The following EXOC6B variants were observed in gnomAD, a reference collection of about 807,000 sequenced individuals.
The protein encoded by EXOC6B is exocyst complex component 6B, also known as SEC15 homolog B.
A neutral mutation model predicts 113.5 loss-of-function variants in EXOC6B; 54 were observed. The ratio of observed to expected loss-of-function variants is 0.48; its 90% CI spans 0.38 to 0.60. The LOEUF is 0.60. Ranked by LOEUF, EXOC6B falls within the 20% of genes least tolerant of loss-of-function variation. The pLI is 0.00. For synonymous variants in EXOC6B, 357 were observed against 339.0 expected (o/e 1.05, Z -0.58); for missense variants, 797 against 977.5 (o/e 0.82, Z 2.46).
chr2:72,718,634 G>A (rs1679791255), intron 5 of EXOC6B, among the ~76,000 whole-genome samples: 1 of 152,140 alleles, frequency 6.6e-6, no homozygotes, highest in Non-Finnish European at 1.5e-5. Flanking sequence ...AAGACAGGTG[G>A]ATCACTTGAG....
At chr2:72,226,470 T>C (rs1305162314) in intron 20 of EXOC6B, among the ~76,000 whole-genome samples, 1 of 152,082 alleles carries the variant, frequency 6.6e-6, no homozygotes, top group African/African-American at 2.4e-5. Flanking sequence ...GACAAGGCTA[T>C]CCCAGCAGGG....
chr2:72,631,517 G>C (rs1672467852), intron 6 of EXOC6B, among the ~76,000 whole-genome samples: 2 of 105,582 alleles, frequency 1.9e-5, no homozygotes, highest in African/African-American at 3.5e-5. Context: ...GAGAGAGAGA[G>C]AGAGAAAGAC....
At chr2:72,503,079 A>T (rs2105607074) in intron 11 of EXOC6B, among the ~76,000 whole-genome samples, 1 of 152,246 alleles carries the variant, frequency 6.6e-6, no homozygotes, top group Non-Finnish European at 1.5e-5. Context: ...CTGTTATAAT[A>T]ACTTGGATAT....
rs868685127 is a variant in EXOC6B at position 72,401,555 on chromosome 2, A to G, written c.1981-21685T>C. Among the ~76,000 whole-genome samples, 9 of 40,252 alleles carry G rather than the reference A, an allele frequency of 2.2e-4. 1 individual carries two copies. The South Asian group carries it at 4.3e-3, about 19-fold the overall frequency. The allele number at this position is 40,252 out of a possible 152,430, so 26.4% of individuals were successfully genotyped here. On this transcript the variant is annotated intron_variant, in intron 18 of 21. Coordinates refer to ENST00000272427, the MANE Select transcript of EXOC6B (RefSeq NM_015189.3). ...TATATATATATATATGTGTATATAT[A>G]TATATATATACATATATATATATAT... is the stretch of plus-strand genomic sequence containing the variant.
Position 72,177,946 on chromosome 2 carries a change from C to A in EXOC6B, c.*1389G>T, listed in dbSNP as rs1314599065. 1 of 152,230 alleles carries A rather than the reference C, an allele frequency of 6.6e-6. No homozygotes were observed. Among genetic ancestry groups the A allele is most frequent in the African/African-American group, 2.4e-5 (1 of 41,456 alleles). The allele number at this position is 152,230 out of a possible 1,614,324, so 9.4% of individuals were successfully genotyped here. A position where few individuals can be genotyped will look rare whatever the true frequency, so the allele number is the denominator to read the frequency against. The stretch of plus-strand genomic sequence containing the variant: ...TGTCTTAAAGTACAGTTTCCCCCGA[C>A]TGACCTCATAGCAAAGCCCTTGCGT... On this transcript the variant is annotated 3_prime_UTR_variant, in exon 22 of 22. Transcript: ENST00000272427.
chr2:72,461,716 T>A lies in EXOC6B; in HGVS notation c.1980+3444A>T, dbSNP rs564067108. 3.3e-5 allele frequency: 5 copies of A among 152,156 alleles called. No homozygotes were observed. The South Asian group carries it at 1.0e-3, about 32-fold the overall frequency. 9.4% of individuals were successfully genotyped at this position (152,156 alleles called of 1,614,324 possible). A position where few individuals can be genotyped will look rare whatever the true frequency, so the allele number is the denominator to read the frequency against. On this transcript the variant is annotated intron_variant, in intron 18 of 21. Coordinates refer to ENST00000272427, the MANE Select transcript of EXOC6B (RefSeq NM_015189.3). ...TTCAAATTCTAAAAGGGGAATTACATAGTAAAAAGGTAAGCACATTTTAAG... is the reference window on the plus strand; with the variant it reads ...TTCAAATTCTAAAAGGGGAATTACAAAGTAAAAAGGTAAGCACATTTTAAG...
Position 72,212,308 on chromosome 2 carries a change from C to A in EXOC6B, c.2197-28121G>T, listed in dbSNP as rs76997827. Reference sequence around the variant, plus strand: ...ACTCCACAATTCTAGTTTCTTGGGGCAGGGCAGGCTGTTTTATGACTTGTA... The same window carrying A: ...ACTCCACAATTCTAGTTTCTTGGGGAAGGGCAGGCTGTTTTATGACTTGTA... On this transcript the variant is annotated intron_variant, in intron 20 of 21. Transcript: ENST00000272427. 3.8e-3 allele frequency among the ~76,000 whole-genome samples: 581 copies of A among 152,256 alleles called. 10 individuals are homozygous for A. The highest frequency in any genetic ancestry group is 0.014 in the African/African-American group (566 of 41,554).
intron 6 of EXOC6B, among the ~76,000 whole-genome samples, chr2:72,710,714 A>T (rs1249050058): frequency 6.6e-6 from 1 of 152,148 alleles, no homozygotes; most frequent in Non-Finnish European, 1.5e-5. Context: ...AAGTCAAAAG[A>T]TGTTCTACAC....
intron 20 of EXOC6B, among the ~76,000 whole-genome samples, chr2:72,301,029 G>C (rs897998325): frequency 6.6e-6 from 1 of 152,160 alleles, no homozygotes; most frequent in Non-Finnish European, 1.5e-5. Flanking sequence ...TCAATACCTA[G>C]TTATTGAGAG....
At chr2:72,414,461 T>C (rs985003411) in intron 18 of EXOC6B, among the ~76,000 whole-genome samples, 1 of 151,880 alleles carries the variant, frequency 6.6e-6, no homozygotes, top group Non-Finnish European at 1.5e-5. Flanking sequence ...GAAAAAAAAA[T>C]TAGTTTCAAG....
intron 1 of EXOC6B, among the ~76,000 whole-genome samples, chr2:72,781,483 T>G (rs1684031309): frequency 6.6e-6 from 1 of 152,190 alleles, no homozygotes. Flanking sequence ...AGCCACAAAG[T>G]AAATATTTTC....
At chr2:72,789,288 A>G (rs976520481) in intron 1 of EXOC6B, among the ~76,000 whole-genome samples, 17 of 152,240 alleles carry the variant, frequency 1.1e-4, no homozygotes, top group Admixed American at 9.2e-4. Context: ...AAATGAGCTA[A>G]CATACGTGGT....
intron 19 of EXOC6B, among the ~76,000 whole-genome samples, chr2:72,339,743 A>G (rs1439641826): frequency 6.6e-6 from 1 of 152,188 alleles, no homozygotes; most frequent in African/African-American, 2.4e-5. Context: ...AATTCATTTG[A>G]AATTTATGAA....
intron 7 of EXOC6B, among the ~76,000 whole-genome samples, chr2:72,560,367 A>C (rs1703824181): frequency 6.6e-6 from 1 of 152,130 alleles, no homozygotes; most frequent in African/African-American, 2.4e-5. Context: ...AAAATGAAAA[A>C]ATTACATAAA....
At chr2:72,515,262 G>T in intron 8 of EXOC6B, 136 bp from the exon 9 acceptor site, 1 of 919,334 alleles carries the variant, frequency 1.1e-6, no homozygotes, top group Non-Finnish European at 1.6e-6. Context: ...TAACATTGAT[G>T]ATAACAATAG....
chr2:72,353,804 C>T (rs944814798), intron 19 of EXOC6B, among the ~76,000 whole-genome samples: 8 of 152,012 alleles, frequency 5.3e-5, no homozygotes, highest in Non-Finnish European at 8.8e-5. Context: ...TTTACCAAGT[C>T]TGGAACCAGG....
chr2:72,626,220 A>T (rs186342957), intron 6 of EXOC6B, among the ~76,000 whole-genome samples: 1 of 152,318 alleles, frequency 6.6e-6, no homozygotes, highest in East Asian at 1.9e-4. Context: ...ATTCAACAAT[A>T]GAAGTGAAAG....
At chr2:72,707,538 C>T (rs1171840349) in intron 6 of EXOC6B, among the ~76,000 whole-genome samples, 2 of 151,626 alleles carry the variant, frequency 1.3e-5, no homozygotes, top group Non-Finnish European at 2.9e-5. Flanking sequence ...CTCAGCCTCC[C>T]GAGTAGCTGG....
At chr2:72,798,547 A>G (rs1333473236) in intron 1 of EXOC6B, among the ~76,000 whole-genome samples, 1 of 152,214 alleles carries the variant, frequency 6.6e-6, no homozygotes, top group East Asian at 1.9e-4. Context: ...TAAGATTCCA[A>G]GAGAAAAGAA....
Sources: gnomAD v4.1 joint callset for allele counts (sites outside exome capture counted in the v4.1 genomes callset) on GRCh38, gnomAD v4.1.1 for gene constraint, MANE v1.5 for transcripts, NCBI Gene and HGNC (gene_info 2026-07-23, HGNC 2026-07-21) for gene names.